The following HIVEP3 variants were observed in gnomAD, a reference collection of about 807,000 sequenced individuals.
The protein encoded by HIVEP3 is HIVEP zinc finger 3.
A neutral mutation model predicts 152.8 loss-of-function variants in HIVEP3; 49 were observed. That is an observed-to-expected ratio of 0.32 (90% CI 0.26 to 0.41). The LOEUF is 0.41. HIVEP3 is among the 10% of genes least tolerant of loss of function. HIVEP3 has a pLI of 1.00. For missense variants in HIVEP3, 2,790 were observed against 3,103.3 expected (o/e 0.90, Z 2.40); for synonymous variants, 1,269 against 1,289.0 (o/e 0.98, Z 0.33).
At chr1:41,528,709 A>T (rs1290079286) in intron 5 of HIVEP3, among the ~76,000 whole-genome samples, 1 of 102,464 alleles carries the variant, frequency 9.8e-6, no homozygotes, top group Admixed American at 1.0e-4. Flanking sequence ...CCTCAGACTC[A>T]CAGCCCACCC....
intron 1 of HIVEP3, among the ~76,000 whole-genome samples, chr1:41,843,073 C>T (rs1376219275): frequency 6.6e-6 from 1 of 152,172 alleles, no homozygotes; most frequent in Non-Finnish European, 1.5e-5. Context: ...AAGTCCTCCC[C>T]TCCGTTCCCC....
Position 41,745,206 on chromosome 1 carries a change from G to A in HIVEP3, c.-800-44211C>T, listed in dbSNP as rs961764298. On this transcript the variant is annotated intron_variant, in intron 1 of 8. Coordinates refer to ENST00000372583, the MANE Select transcript of HIVEP3 (RefSeq NM_024503.5). ...TTTCCCCTTTCTCTAACCTAAGTCT[G>A]CCGTGTCCTTTCTCACCCCACTGGG... Among the ~76,000 whole-genome samples the A allele has an allele frequency of 2.0e-5, 3 of 152,254 alleles. No individual in the cohort carries two copies. The South Asian group carries it at 6.2e-4, about 32-fold the overall frequency.
At chr1:41,654,241 G>T (rs180686152) in intron 2 of HIVEP3, among the ~76,000 whole-genome samples, 16 of 152,308 alleles carry the variant, frequency 1.1e-4, no homozygotes, top group Non-Finnish European at 8.8e-5. Context: ...ATTCACGTGG[G>T]GGCAGTCCCT....
At chr1:41,735,721 C>G (rs1425284776) in intron 1 of HIVEP3, among the ~76,000 whole-genome samples, 1 of 152,174 alleles carries the variant, frequency 6.6e-6, no homozygotes, top group Admixed American at 6.5e-5. Context: ...CAGGCAAACT[C>G]CATGACAGGC....
chr1:41,738,154 G>A (rs1485104187), intron 1 of HIVEP3, among the ~76,000 whole-genome samples: 1 of 152,208 alleles, frequency 6.6e-6, no homozygotes, highest in Non-Finnish European at 1.5e-5. Context: ...ACCCCATGTG[G>A]AGAAGGCCTG....
chr1:41,710,732 C>A (rs1418972723), intron 1 of HIVEP3, among the ~76,000 whole-genome samples: 1 of 152,226 alleles, frequency 6.6e-6, no homozygotes, highest in Non-Finnish European at 1.5e-5. Flanking sequence ...TTCCTGGGCA[C>A]TGGTGCTGTG....
Position 41,858,863 on chromosome 1 carries a change from G to A in HIVEP3, c.-801+59550C>T, listed in dbSNP as rs577226252. On this transcript the variant is annotated intron_variant, in intron 1 of 8. Transcript: ENST00000372583. ...TGAGGAGGGGGTCTAGTGGGAGAGG[G>A]GGTGCCTGGGCAGACAGAATGTCAA... 1.3e-4 allele frequency among the ~76,000 whole-genome samples: 20 copies of A among 152,312 alleles called. No homozygotes were observed. In the East Asian group the frequency reaches 3.7e-3, roughly 28 times the overall value.
chr1:41,524,361 G>A (rs1381480340), intron 6 of HIVEP3, among the ~76,000 whole-genome samples: 1 of 152,196 alleles, frequency 6.6e-6, no homozygotes, highest in Non-Finnish European at 1.5e-5. Context: ...GAGCATGGAT[G>A]CTGGAGTGTC....
chr1:42,032,303 C>A (rs993312750), intron 1 of HIVEP3, among the ~76,000 whole-genome samples: 1 of 152,146 alleles, frequency 6.6e-6, no homozygotes, highest in African/African-American at 2.4e-5. Context: ...CTGGTGCAGG[C>A]GCCATCTCAC....
intron 1 of HIVEP3, among the ~76,000 whole-genome samples, chr1:41,979,923 A>G (rs1645285166): frequency 6.6e-6 from 1 of 152,256 alleles, no homozygotes; most frequent in Non-Finnish European, 1.5e-5. Context: ...CATATTTTCT[A>G]TTGCCATTTT....
At chr1:41,849,440 G>A (rs528463680) in intron 1 of HIVEP3, among the ~76,000 whole-genome samples, 132 of 152,230 alleles carry the variant, frequency 8.7e-4, no homozygotes, top group African/African-American at 2.8e-3. Context: ...ACTTCTGGAA[G>A]CAGCCTGCCT....
At chr1:41,980,182 C>G (rs938739608) in intron 1 of HIVEP3, among the ~76,000 whole-genome samples, 19 of 152,178 alleles carry the variant, frequency 1.2e-4, no homozygotes, top group African/African-American at 4.3e-4. Context: ...ATAAAACTTA[C>G]CCTGGGACCC....
chr1:41,986,143 G>T, intron 1 of HIVEP3, among the ~76,000 whole-genome samples: 1 of 152,128 alleles, frequency 6.6e-6, no homozygotes, highest in East Asian at 1.9e-4. Context: ...GGAAGAGAAT[G>T]TCCTGCTCTC....
intron 1 of HIVEP3, among the ~76,000 whole-genome samples, chr1:41,877,857 C>A (rs1455145689): frequency 6.6e-6 from 1 of 152,140 alleles, no homozygotes; most frequent in African/African-American, 2.4e-5. Context: ...CAACAAATAT[C>A]ATTTGTTTTT....
intron 1 of HIVEP3, among the ~76,000 whole-genome samples, chr1:41,901,347 C>A (rs1217914514): frequency 6.6e-6 from 1 of 152,042 alleles, no homozygotes; most frequent in Non-Finnish European, 1.5e-5. Flanking sequence ...CATTTACAAT[C>A]AGTTCTTCCA....
Position 41,628,854 on chromosome 1 carries a change from G to A in HIVEP3, c.-627C>T, listed in dbSNP as rs1477523452. The A allele has an allele frequency of 3.2e-6, 4 of 1,231,910 alleles. No homozygotes were observed. Among genetic ancestry groups the A allele is most frequent in the Admixed American group, 4.2e-5 (1 of 23,694 alleles). The allele number at this position is 1,231,910 out of a possible 1,614,324, so 76.3% of individuals were successfully genotyped here. ...GGCAGCCACCCTCCACCTAGGCGCC[G>A]CTCTTCCCACCAGAGGGGCGGGCTT... On this transcript the variant is annotated 5_prime_UTR_variant, in exon 3 of 9. Coordinates refer to ENST00000372583, the MANE Select transcript of HIVEP3 (RefSeq NM_024503.5).
intron 2 of HIVEP3, among the ~76,000 whole-genome samples, chr1:41,670,248 G>T (rs1274344328): frequency 6.6e-6 from 1 of 152,142 alleles, no homozygotes; most frequent in East Asian, 1.9e-4. Flanking sequence ...TCTGTGAGGG[G>T]CAGGGCAGGG....
In HIVEP3 at chr1:41,582,214, C is replaced by T. The variant is rs1644422981; in HGVS notation, c.2584G>A (p.Glu862Lys). Residue 862 changes from glutamate (E) to lysine (K), a missense_variant, in exon 4 of 9, where the codon GAG (glutamate) becomes AAG (lysine). Glu to Lys is a moderately conservative substitution (Grantham distance 56, BLOSUM62 1). Around this residue, in one of 9 missense-constraint regions of HIVEP3, gnomAD observed 1,078 missense variants for 1,165.3 expected, o/e 0.93. Coordinates refer to ENST00000372583, the MANE Select transcript of HIVEP3 (RefSeq NM_024503.5). This position sits in a 1 kb window ranked among gnomAD's most constrained non-coding sequence, Gnocchi z 4.7. ...TCTGTGTCCGGCCGGTCAGGCTCCT[C>T]AGTTACTAGGATCTCAGGAACCTGA... ...NIQVPEILVT[E>K]EPDRPDTEPE... 10 of 1,613,884 alleles carry T rather than the reference C, an allele frequency of 6.2e-6. No individual in the cohort carries two copies. The highest frequency in any genetic ancestry group is 6.8e-6 in the Non-Finnish European group (8 of 1,179,964).
chr1:41,991,240 T>C (rs925359934), intron 1 of HIVEP3, among the ~76,000 whole-genome samples: 25 of 150,616 alleles, frequency 1.7e-4, no homozygotes, highest in Admixed American at 1.6e-3. Flanking sequence ...ATCAACAAAA[T>C]AGACCGCTAG....
Sources: gnomAD v4.1 joint callset for allele counts (sites outside exome capture counted in the v4.1 genomes callset) on GRCh38, gnomAD v4.1.1 for gene constraint, gnomAD v4.1.1 regional missense constraint, Gnocchi (gnomAD v3.1) non-coding constraint, MANE v1.5 for transcripts, NCBI Gene and HGNC (gene_info 2026-07-23, HGNC 2026-07-21) for gene names.